Variants in PXK observed in about 807,000 individuals in gnomAD.
PXK encodes PX domain-containing protein kinase-like protein.
In PXK, 35 loss-of-function variants were observed where a neutral mutation model predicts 84.7. The ratio of observed to expected loss-of-function variants is 0.41; its 90% CI spans 0.32 to 0.55. PXK has a LOEUF of 0.55. Among genes scored for constraint, PXK ranks in the 20% least tolerant of loss-of-function variants. The pLI is 0.21. For missense variants in PXK, 634 were observed against 699.7 expected (o/e 0.91, Z 1.06); for synonymous variants, 253 against 260.8 (o/e 0.97, Z 0.29).
In PXK at chr3:58,412,911, G is replaced by A. The variant is rs2060413332; in HGVS notation, c.1476G>A (p.Gly492=). The A allele has an allele frequency of 6.2e-7, 1 of 1,614,058 alleles. No homozygotes were observed. The highest frequency in any genetic ancestry group is 8.5e-7 in the Non-Finnish European group (1 of 1,180,020). ...YSNSNNSAGS[G]ASSPLTSPSS... The stretch of plus-strand genomic sequence containing the variant: ...TGTGTTTTATCTTAGCAGGATCTGG[G>A]GCCAGCTCACCTCTCACGTCCCCGT... The change falls in exon 17 of 18, where the codon GGG becomes GGA. Residue 492 remains glycine (G), a synonymous_variant. Transcript: ENST00000356151. This position sits in a 1 kb window ranked among gnomAD's most constrained non-coding sequence, Gnocchi z 6.2.
chr3:58,390,177 C>G lies in PXK; in HGVS notation c.389-405C>G, dbSNP rs2098610962. Reference sequence around the variant, plus strand: ...TGGGCAACAGAGTGAGACCCTATCTCAAAAAACAAAAAACAAAACTAAACA... The same window carrying G: ...TGGGCAACAGAGTGAGACCCTATCTGAAAAAACAAAAAACAAAACTAAACA... On this transcript the variant is annotated intron_variant, in intron 4 of 17. Coordinates refer to ENST00000356151, the MANE Select transcript of PXK (RefSeq NM_017771.5). The surrounding 1 kb of genome is among the most constrained non-coding windows in gnomAD (Gnocchi z 4.2). Among the ~76,000 whole-genome samples, 1 of 151,442 alleles carries G rather than the reference C, an allele frequency of 6.6e-6. No homozygotes were observed. Among genetic ancestry groups the G allele is most frequent in the Non-Finnish European group, 1.5e-5 (1 of 67,870 alleles).
intron 1 of PXK, among the ~76,000 whole-genome samples, chr3:58,345,973 A>G (rs536173426): frequency 2.1e-4 from 32 of 152,284 alleles, no homozygotes; most frequent in African/African-American, 7.7e-4. Context: ...TCAAGGTTGC[A>G]TTTGTAGACT....
At chr3:58,389,535 G>T (rs533024816) in intron 4 of PXK, among the ~76,000 whole-genome samples, 1 of 152,138 alleles carries the variant, frequency 6.6e-6, no homozygotes, top group East Asian at 1.9e-4. Context: ...ACATAGAATT[G>T]CAGTGGGCTG....
chr3:58,420,088 A>G (rs1472235539), intron 17 of PXK, among the ~76,000 whole-genome samples: 1 of 150,544 alleles, frequency 6.6e-6, no homozygotes, highest in African/African-American at 2.5e-5. Context: ...TTGCTTGGAA[A>G]AAAGTTATGG....
intron 1 of PXK, among the ~76,000 whole-genome samples, chr3:58,355,360 C>A (rs554958170): frequency 6.6e-6 from 1 of 152,098 alleles, no homozygotes; most frequent in South Asian, 2.1e-4. Context: ...TTCTGTACTT[C>A]AAGTTTCACG....
rs1168755178 is a variant in PXK, at chr3:58,336,038, CATATATATATATATATATATATAT to C, written c.102+2959_102+2982del. On this transcript the variant is annotated intron_variant, in intron 1 of 17. Coordinates refer to ENST00000356151, the MANE Select transcript of PXK (RefSeq NM_017771.5). ...ATCAAGTTTGTTTAACCTTGGGAAA[CATATATATATATATATATATATAT>C]ATATATATATTTTTTTTTTTTTTTT... 9.3e-5 allele frequency among the ~76,000 whole-genome samples: 4 copies of C among 43,160 alleles called. 1 individual carries two copies. The highest frequency in any genetic ancestry group is 3.0e-4 in the African/African-American group (4 of 13,134). The allele number at this position is 43,160 out of a possible 152,430, so 28.3% of individuals were successfully genotyped here. A position where few individuals can be genotyped will look rare whatever the true frequency, so the allele number is the denominator to read the frequency against.
chr3:58,334,234 C>T (rs2097547828), intron 1 of PXK, among the ~76,000 whole-genome samples: 2 of 152,148 alleles, frequency 1.3e-5, no homozygotes, highest in South Asian at 4.1e-4. Flanking sequence ...GACAGCCGTG[C>T]TTTGTAGGGC....
chr3:58,342,210 A>G lies in PXK; in HGVS notation c.102+9120A>G, dbSNP rs117655722. On this transcript the variant is annotated intron_variant, in intron 1 of 17. Transcript: ENST00000356151. ...CAAGTTCTTTAGCTCTTCGGGCCCA[A>G]CTCCTTTAAGGATCTCATCACAGGG... Among the ~76,000 whole-genome samples the G allele has an allele frequency of 6.4e-4, 98 of 152,172 alleles. No individual in the cohort carries two copies. In the East Asian group the frequency reaches 0.016, roughly 25 times the overall value.
At chr3:58,367,989 CTGTT>C (rs1339867801) in intron 2 of PXK, among the ~76,000 whole-genome samples, 1 of 151,794 alleles carries the variant, frequency 6.6e-6, no homozygotes, top group African/African-American at 2.4e-5. Context: ...CTGGCCTTGT[CTGTT>C]CTTCTTTTTT....
rs902272586 is a variant in PXK, at chr3:58,338,202, G to A, written c.102+5112G>A. ...ACTAAAAATACAAAATTAGCTGGGC[G>A]TGGTGGCACATGGCTGTCGTCCAGC... is the stretch of plus-strand genomic sequence containing the variant. On this transcript the variant is annotated intron_variant, in intron 1 of 17. Coordinates refer to ENST00000356151, the MANE Select transcript of PXK (RefSeq NM_017771.5). Among the ~76,000 whole-genome samples, 8 of 151,988 alleles carry A rather than the reference G, an allele frequency of 5.3e-5. No homozygotes were observed. In the South Asian group the frequency reaches 1.0e-3, roughly 20 times the overall value.
chr3:58,423,513 TAA>T, intron 17 of PXK: 1 of 1,535,742 alleles, frequency 6.5e-7, no homozygotes, highest in Non-Finnish European at 8.7e-7. Context: ...TTTTCTATTG[TAA>T]GACTTTAACC....
rs2098234416 is a variant in PXK, at chr3:58,364,166, T to C, written c.103-1708T>C. 6.6e-6 allele frequency among the ~76,000 whole-genome samples: 1 copy of C among 152,228 alleles called. No homozygotes were observed. The highest frequency in any genetic ancestry group is 2.1e-4 in the South Asian group (1 of 4,832). On this transcript the variant is annotated intron_variant, in intron 1 of 17. Coordinates refer to ENST00000356151, the MANE Select transcript of PXK (RefSeq NM_017771.5). This position sits in a 1 kb window ranked among gnomAD's most constrained non-coding sequence, Gnocchi z 4.3. ...ATATTTTGGTAAGGATTTTTGAGCC[T>C]ATGTTTGTGAATGGTATTGATCTAT...
In PXK at chr3:58,399,175, G is replaced by T; in HGVS notation, c.1103-124G>T. 1.2e-6 allele frequency: 1 copy of T among 810,464 alleles called. No individual in the cohort carries two copies. Among genetic ancestry groups the T allele is most frequent in the South Asian group, 1.5e-5 (1 of 66,970 alleles). The allele number at this position is 810,464 out of a possible 1,614,324, so 50.2% of individuals were successfully genotyped here. On this transcript the variant is annotated intron_variant, in intron 11 of 17. Transcript: ENST00000356151. This position sits in a 1 kb window ranked among gnomAD's most constrained non-coding sequence, Gnocchi z 4.3. Reference sequence around the variant, plus strand: ...CGTATGCCATCTGTCTGTGTGTGAAGATTTTTGACACTGTCCTGATCAGCC... The same window carrying T: ...CGTATGCCATCTGTCTGTGTGTGAATATTTTTGACACTGTCCTGATCAGCC...
At chr3:58,357,485 A>G (rs2098111281) in intron 1 of PXK, among the ~76,000 whole-genome samples, 1 of 152,098 alleles carries the variant, frequency 6.6e-6, no homozygotes, top group Admixed American at 6.5e-5. Context: ...TTTTACAGTT[A>G]CCTTTCATTT....
Position 58,385,531 on chromosome 3 carries a change from C to T in PXK, c.388+2831C>T, listed in dbSNP as rs572243630. 7.2e-5 allele frequency among the ~76,000 whole-genome samples: 11 copies of T among 152,324 alleles called. No individual in the cohort carries two copies. In the South Asian group the frequency reaches 2.1e-3, roughly 29 times the overall value. On this transcript the variant is annotated intron_variant, in intron 4 of 17. Transcript: ENST00000356151. The surrounding 1 kb of genome is among the most constrained non-coding windows in gnomAD (Gnocchi z 5.1). ...GTTTGTTTTTTGAGCAAGGGTCTCA[C>T]TCTGTTGCCCAGGCTGGAGCGCAGT...
chr3:58,382,418 T>C (rs2098511674), intron 3 of PXK, 96 bp from the exon 4 acceptor site: 1 of 1,041,486 alleles, frequency 9.6e-7, no homozygotes, highest in African/African-American at 1.7e-5. Flanking sequence ...AAATCTGCAT[T>C]GTCTTAGGTT....
At position 58,425,324 on chromosome 3, in the gene PXK, A is replaced by G. The variant is rs759541625; in HGVS notation, c.*364A>G. On this transcript the variant is annotated 3_prime_UTR_variant, in exon 18 of 18. Transcript: ENST00000356151. ...AGCAGTAAATGGCCTTTGTGTTGCA[A>G]TCCCTTCTACCCCATCAGACAGCTC... The G allele has an allele frequency of 2.0e-5, 5 of 252,718 alleles. No individual in the cohort carries two copies. Among genetic ancestry groups the G allele is most frequent in the Non-Finnish European group, 3.9e-5 (5 of 127,348 alleles). The allele number at this position is 252,718 out of a possible 1,614,324, so 15.7% of individuals were successfully genotyped here.
chr3:58,406,418 C>T (rs1465413508), intron 13 of PXK, among the ~76,000 whole-genome samples: 1 of 151,764 alleles, frequency 6.6e-6, no homozygotes, highest in East Asian at 1.9e-4. Context: ...GCTGGGACAA[C>T]AGGCGCGTAC....
chr3:58,393,149 C>T (rs1454646143), intron 7 of PXK, among the ~76,000 whole-genome samples: 2 of 151,978 alleles, frequency 1.3e-5, no homozygotes, highest in East Asian at 3.9e-4. Context: ...GAGATCGAAA[C>T]CATCCTGGCT....
Sources: gnomAD v4.1 joint callset for allele counts (sites outside exome capture counted in the v4.1 genomes callset) on GRCh38, gnomAD v4.1.1 for gene constraint, Gnocchi (gnomAD v3.1) non-coding constraint, MANE v1.5 for transcripts, NCBI Gene and HGNC (gene_info 2026-07-23, HGNC 2026-07-21) for gene names.